PCLO: variants seen among roughly 807,000 people sequenced by gnomAD.
The protein encoded by PCLO is protein piccolo.
Under a neutral mutation model 427.5 loss-of-function variants are expected in PCLO, and 82 were observed. The observed-to-expected ratio is 0.19, with a 90% CI of 0.16 to 0.23. PCLO has a LOEUF of 0.23. Among genes scored for constraint, PCLO ranks in the 10% least tolerant of loss-of-function variants. PCLO has a pLI of 1.00. For synonymous variants in PCLO, 2,357 were observed against 2,155.4 expected, an observed-to-expected ratio of 1.09 and a Z score of -2.59; for missense variants, 6,239 against 6,115.9, an observed-to-expected ratio of 1.02 and a Z score of -0.67.
In PCLO at chr7:83,107,904, G is replaced by A. The variant is rs554935954; in HGVS notation, c.3300+26346C>T. ...TTCGGGAGGCTGAGGCAAGAGAATCGCTTGAATCCAGTAGGCGGAAGATGC... is the reference window on the plus strand; with the variant it reads ...TTCGGGAGGCTGAGGCAAGAGAATCACTTGAATCCAGTAGGCGGAAGATGC... On this transcript the variant is annotated intron_variant, in intron 3 of 24. Coordinates refer to ENST00000333891, the MANE Select transcript of PCLO (RefSeq NM_033026.6). Among the ~76,000 whole-genome samples the A allele has an allele frequency of 3.8e-4, 56 of 147,626 alleles. No individual in the cohort carries two copies. The South Asian group carries it at 0.01, about 27-fold the overall frequency.
chr7:82,788,585 A>G (rs1249209201), intron 22 of PCLO, among the ~76,000 whole-genome samples: 1 of 152,046 alleles, frequency 6.6e-6, no homozygotes. Context: ...TTTGTATAAT[A>G]CCATAGATGC....
At chr7:82,994,027 G>T (rs1392721373) in intron 3 of PCLO, among the ~76,000 whole-genome samples, 3 of 152,008 alleles carry the variant, frequency 2.0e-5, no homozygotes, top group Admixed American at 2.0e-4. Context: ...AATATTGGGA[G>T]ACAAAGGTTG....
chr7:82,755,431 T>C lies in PCLO; in HGVS notation c.*3144A>G, dbSNP rs1203211806. ...GTGCTACTAGGGTTATTTGTGTCTG[T>C]AATGACTATTCTATATTCCCTGTCT... On this transcript the variant is annotated 3_prime_UTR_variant, in exon 25 of 25. Transcript: ENST00000333891. 1 of 152,128 alleles carries C rather than the reference T, an allele frequency of 6.6e-6. No individual in the cohort carries two copies. The highest frequency in any genetic ancestry group is 2.4e-5 in the African/African-American group (1 of 41,426). The allele number at this position is 152,128 out of a possible 1,614,324, so 9.4% of individuals were successfully genotyped here. A position where few individuals can be genotyped will look rare whatever the true frequency, so the allele number is the denominator to read the frequency against.
rs572336913 is a variant in PCLO at position 83,148,038 on chromosome 7, C to T, written c.1893+6710G>A. On this transcript the variant is annotated intron_variant, in intron 2 of 24. Coordinates refer to ENST00000333891, the MANE Select transcript of PCLO (RefSeq NM_033026.6). ...TTAGGAATAGAAATAGCTCCTTATG[C>T]TGTGGATTTCATAAAATGCTCATTC... Among the ~76,000 whole-genome samples the T allele has an allele frequency of 1.2e-3, 185 of 152,288 alleles. 1 individual carries two copies. The highest frequency in any genetic ancestry group is 2.4e-3 in the Non-Finnish European group (161 of 68,012).
chr7:83,113,829 T>C (rs998985451), intron 3 of PCLO, among the ~76,000 whole-genome samples: 2 of 152,140 alleles, frequency 1.3e-5, no homozygotes, highest in South Asian at 4.1e-4. Flanking sequence ...CGTTACATTA[T>C]GGAAAGCAGG....
At chr7:83,102,543 T>C (rs1681786554) in intron 3 of PCLO, among the ~76,000 whole-genome samples, 5 of 152,038 alleles carry the variant, frequency 3.3e-5, no homozygotes, top group African/African-American at 1.2e-4. Context: ...GTTTGAATTC[T>C]ACTTCTGCCA....
intron 6 of PCLO, among the ~76,000 whole-genome samples, chr7:82,925,775 A>C (rs1216303746): frequency 7.5e-6 from 1 of 133,500 alleles, no homozygotes; most frequent in Non-Finnish European, 1.5e-5. Flanking sequence ...GCTGAAGTGC[A>C]GTGGTGCGGT....
At chr7:83,145,329 A>AT (rs1184632969) in intron 2 of PCLO, among the ~76,000 whole-genome samples, 2 of 152,036 alleles carry the variant, frequency 1.3e-5, no homozygotes, top group African/African-American at 2.4e-5. Flanking sequence ...TTAAACCTTG[A>AT]TTTTTTTTAA....
At chr7:82,774,025 G>A (rs764906415) in intron 22 of PCLO, among the ~76,000 whole-genome samples, 1 of 152,132 alleles carries the variant, frequency 6.6e-6, no homozygotes, top group Non-Finnish European at 1.5e-5. Flanking sequence ...GCTGGATTCC[G>A]GCAGCAGCCT....
intron 3 of PCLO, among the ~76,000 whole-genome samples, chr7:83,128,481 A>T (rs1791494856): frequency 6.6e-6 from 1 of 152,158 alleles, no homozygotes; most frequent in South Asian, 2.1e-4. Context: ...ATTTCAGATC[A>T]TCTCCAGAAA....
At chr7:82,848,788 T>C (rs371279863) in intron 10 of PCLO, 12 of 239,846 alleles carry the variant, frequency 5.0e-5, no homozygotes, top group South Asian at 4.1e-4. Context: ...GAAAAACTTT[T>C]ACACTATAGT....
intron 3 of PCLO, among the ~76,000 whole-genome samples, chr7:83,067,688 T>C (rs1221605978): frequency 6.6e-6 from 1 of 152,186 alleles, no homozygotes; most frequent in East Asian, 1.9e-4. Context: ...TGATTAAAGA[T>C]CCATATCTTT....
chr7:82,938,394 G>T (rs1795004904), intron 6 of PCLO, among the ~76,000 whole-genome samples: 1 of 151,590 alleles, frequency 6.6e-6, no homozygotes, highest in African/African-American at 2.4e-5. Context: ...ATATTTTCTT[G>T]GTTATTTTTC....
chr7:83,095,756 T>A (rs1191356282), intron 3 of PCLO, among the ~76,000 whole-genome samples: 1 of 152,100 alleles, frequency 6.6e-6, no homozygotes, highest in Non-Finnish European at 1.5e-5. Flanking sequence ...CTATTACTAA[T>A]TGCTAGTGTA....
intron 22 of PCLO, among the ~76,000 whole-genome samples, chr7:82,769,367 CT>C (rs531393783): frequency 2.6e-5 from 4 of 151,812 alleles, no homozygotes; most frequent in Admixed American, 6.6e-5. Flanking sequence ...CACAGCAATG[CT>C]TTTTTTTGAA....
chr7:82,978,857 A>AACACAC (rs66871387), intron 3 of PCLO, among the ~76,000 whole-genome samples: 21 of 138,684 alleles, frequency 1.5e-4, no homozygotes, highest in African/African-American at 2.5e-4. Context: ...CACACACACA[A>AACACAC]ACACACACAC....
intron 3 of PCLO, among the ~76,000 whole-genome samples, chr7:83,093,011 T>C (rs1054164626): frequency 2.7e-5 from 4 of 149,874 alleles, no homozygotes; most frequent in African/African-American, 9.8e-5. Context: ...ATTGAAGTAA[T>C]AGAAAGATAA....
intron 3 of PCLO, among the ~76,000 whole-genome samples, chr7:83,097,304 C>T (rs1584020928): frequency 7.0e-6 from 1 of 142,590 alleles, no homozygotes; most frequent in South Asian, 2.1e-4. Context: ...GGGCGGATCA[C>T]GAGGTCAGGA....
intron 3 of PCLO, among the ~76,000 whole-genome samples, chr7:83,121,439 C>T (rs1201877943): frequency 6.6e-6 from 1 of 151,996 alleles, no homozygotes; most frequent in Non-Finnish European, 1.5e-5. Flanking sequence ...ATCACTTTTA[C>T]ACCTAAGAAG....
Sources: gnomAD v4.1 joint callset for allele counts (sites outside exome capture counted in the v4.1 genomes callset) on GRCh38, gnomAD v4.1.1 for gene constraint, MANE v1.5 for transcripts, NCBI Gene and HGNC (gene_info 2026-07-23, HGNC 2026-07-21) for gene names.